The following KHDRBS2 variants were observed in gnomAD, a reference collection of about 807,000 sequenced individuals.
KHDRBS2 encodes the protein KH domain-containing, RNA-binding, signal transduction-associated protein 2.
KHDRBS2 carries 26 observed loss-of-function variants against 44.3 expected under a neutral mutation model. The ratio of observed to expected loss-of-function variants is 0.59; its 90% CI spans 0.43 to 0.81. The LOEUF (loss-of-function observed/expected upper bound fraction) is 0.81, where lower values mean the gene tolerates loss of function less well. Among genes scored for constraint, KHDRBS2 ranks in the 40% least tolerant of loss-of-function variants. The probability of loss-of-function intolerance (pLI) is 0.00; values close to 1 mark genes in which losing one functional copy is unlikely to be tolerated. For synonymous variants in KHDRBS2, 194 were observed against 151.1 expected, an observed-to-expected ratio of 1.28 and a Z score of -2.08; for missense variants, 476 against 433.1, an observed-to-expected ratio of 1.10 and a Z score of -0.88.
the KHDRBS2 span, among the ~76,000 whole-genome samples, chr6:61,550,216 G>A: frequency 6.6e-6 from 1 of 152,040 alleles, no homozygotes; most frequent in Non-Finnish European, 1.5e-5. Flanking sequence ...TCCACCGTCA[G>A]GTCCCAGTGT....
At chr6:61,549,095 C>T in the KHDRBS2 span, among the ~76,000 whole-genome samples, 2 of 152,092 alleles carry the variant, frequency 1.3e-5, no homozygotes, top group Admixed American at 1.3e-4. Context: ...GTGAATAATG[C>T]AATGACCTTA....
intron 2 of KHDRBS2, among the ~76,000 whole-genome samples, chr6:62,051,323 C>A (rs1313842287): frequency 1.3e-5 from 2 of 152,062 alleles, no homozygotes; most frequent in Non-Finnish European, 2.9e-5. Flanking sequence ...TTTGAAATAA[C>A]ATCATAGTTT....
At chr6:61,705,184 G>A (rs1324118434) in intron 7 of KHDRBS2, among the ~76,000 whole-genome samples, 3 of 151,628 alleles carry the variant, frequency 2.0e-5, no homozygotes, top group Non-Finnish European at 2.9e-5. Flanking sequence ...AATAACATCT[G>A]CAGTGAAAGA....
chr6:61,872,680 C>T (rs1224415356), intron 6 of KHDRBS2, among the ~76,000 whole-genome samples: 3 of 152,050 alleles, frequency 2.0e-5, no homozygotes, highest in Non-Finnish European at 4.4e-5. Context: ...TTAATTCTTT[C>T]CCAAATAATA....
At chr6:61,927,908 A>G (rs1184081496) in intron 4 of KHDRBS2, among the ~76,000 whole-genome samples, 2 of 152,138 alleles carry the variant, frequency 1.3e-5, no homozygotes, top group Non-Finnish European at 2.9e-5. Flanking sequence ...GTAGGCTATG[A>G]AAGCAGATAA....
chr6:61,663,500 C>CATATATATATATATATATACATATATAT, the KHDRBS2 span, among the ~76,000 whole-genome samples: 1 of 35,994 alleles, frequency 2.8e-5, no homozygotes, highest in African/African-American at 8.5e-5. Flanking sequence ...CATGAGACAC[C>CATATATATATATATATATACATATATAT]ATATATATAT....
chr6:61,794,926 G>A (rs992836289), intron 6 of KHDRBS2, among the ~76,000 whole-genome samples: 3 of 151,930 alleles, frequency 2.0e-5, no homozygotes, highest in Admixed American at 2.0e-4. Flanking sequence ...ATCACTTGAG[G>A]TCAGGGGTTT....
intron 6 of KHDRBS2, among the ~76,000 whole-genome samples, chr6:61,769,530 A>AGAGGGTCCTACTGGCTTG (rs1780514533): frequency 6.6e-6 from 1 of 152,218 alleles, no homozygotes; most frequent in African/African-American, 2.4e-5. Context: ...CACATGGCTC[A>AGAGGGTCCTACTGGCTTG]GAGGGTCCTA....
chr6:61,883,317 A>AT (rs1800470723), intron 6 of KHDRBS2, among the ~76,000 whole-genome samples: 2 of 152,114 alleles, frequency 1.3e-5, no homozygotes, highest in Non-Finnish European at 1.5e-5. Context: ...AGATCACGGC[A>AT]TTTTTTACTC....
intron 2 of KHDRBS2, among the ~76,000 whole-genome samples, chr6:62,095,034 G>A (rs973484884): frequency 6.6e-6 from 1 of 151,768 alleles, no homozygotes; most frequent in African/African-American, 2.4e-5. Context: ...AATTGCTTTG[G>A]CTATTTGGGG....
chr6:61,879,262 A>G (rs1931814), intron 6 of KHDRBS2, among the ~76,000 whole-genome samples: 76,035 of 151,768 alleles, frequency 0.5, 19,308 homozygotes, highest in East Asian at 0.58. Context: ...CACTTTATGA[A>G]GTAAGTCAAG....
chr6:62,223,315 C>A (rs959434899), intron 1 of KHDRBS2, among the ~76,000 whole-genome samples: 2 of 152,206 alleles, frequency 1.3e-5, no homozygotes, highest in African/African-American at 4.8e-5. Context: ...CTTTCAGCCA[C>A]AGCTGGAGCA....
intron 1 of KHDRBS2, among the ~76,000 whole-genome samples, chr6:62,186,262 C>T (rs1255513714): frequency 6.6e-6 from 1 of 152,030 alleles, no homozygotes; most frequent in East Asian, 1.9e-4. Context: ...GAATAATATC[C>T]TCCTAAAACG....
chr6:61,984,522 AGCTACCAC>A (rs1774643904), intron 3 of KHDRBS2, among the ~76,000 whole-genome samples: 1 of 152,072 alleles, frequency 6.6e-6, no homozygotes, highest in South Asian at 2.1e-4. Context: ...TACCAAAGTC[AGCTACCAC>A]AACCCCTGAC....
the KHDRBS2 span, among the ~76,000 whole-genome samples, chr6:61,588,784 C>G: frequency 3.8e-4 from 57 of 151,990 alleles, no homozygotes; most frequent in African/African-American, 1.3e-3. Context: ...AGGGCAAGAC[C>G]CTGTCTCAAA....
intron 4 of KHDRBS2, among the ~76,000 whole-genome samples, chr6:61,971,461 C>G (rs796325848): frequency 4.6e-5 from 7 of 151,846 alleles, no homozygotes; most frequent in African/African-American, 1.7e-4. Context: ...GAATTAGTTG[C>G]TAGAAGTTGA....
intron 7 of KHDRBS2, among the ~76,000 whole-genome samples, chr6:61,704,095 A>G (rs1769100091): frequency 6.6e-6 from 1 of 151,852 alleles, no homozygotes; most frequent in Non-Finnish European, 1.5e-5. Context: ...ACCTTCCCAT[A>G]GAAACTAGCT....
chr6:61,612,980 G>A, the KHDRBS2 span, among the ~76,000 whole-genome samples: 2 of 150,618 alleles, frequency 1.3e-5, no homozygotes, highest in Non-Finnish European at 2.9e-5. Flanking sequence ...AGCCTCCCGA[G>A]TAGCTGGGAC....
chr6:62,101,369 G>A (rs965812171), intron 2 of KHDRBS2, among the ~76,000 whole-genome samples: 1 of 152,124 alleles, frequency 6.6e-6, no homozygotes, highest in African/African-American at 2.4e-5. Context: ...CTAAGTAACT[G>A]CAAGGTCTTG....
Sources: gnomAD v4.1 joint callset for allele counts (sites outside exome capture counted in the v4.1 genomes callset) on GRCh38, gnomAD v4.1.1 for gene constraint, MANE v1.5 for transcripts, NCBI Gene and HGNC (gene_info 2026-07-23, HGNC 2026-07-21) for gene names.